Variants in POLD1 observed in about 807,000 individuals in gnomAD.
POLD1 encodes DNA polymerase delta catalytic subunit.
Under a neutral mutation model 129.7 loss-of-function variants are expected in POLD1, and 79 were observed. The observed-to-expected ratio is 0.61, with a 90% CI of 0.51 to 0.73. POLD1 has a LOEUF of 0.73. Among genes scored for constraint, POLD1 ranks in the 30% least tolerant of loss-of-function variants. The pLI is 0.00. For synonymous variants in POLD1, 714 were observed against 683.3 expected, an observed-to-expected ratio of 1.04 and a Z score of -0.70; for missense variants, 1,338 against 1,595.8, an observed-to-expected ratio of 0.84 and a Z score of 2.75.
chr19:50,395,589 A>G (rs1302531430), intron 1 of POLD1, among the ~76,000 whole-genome samples: 3 of 151,952 alleles, frequency 2.0e-5, no homozygotes, highest in Non-Finnish European at 4.4e-5. Context: ...GTCTCCAAAA[A>G]AAAAAAAAAA....
At chr19:50,417,356 G>T in intron 26 of POLD1, 87 bp downstream of exon 26, 5 of 840,094 alleles carry the variant, frequency 6.0e-6, no homozygotes, top group South Asian at 3.1e-5. Context: ...TGACTCCAAG[G>T]CCTCTCCTGA....
In POLD1 at chr19:50,409,180, G is replaced by T. The variant is rs1431495856; in HGVS notation, c.1951G>T (p.Val651Leu). Reference sequence around the variant, plus strand: ...CGGGGACGAGTTTGTGAAGACCTCAGTGCGGAAGGGGCTGCTGCCCCAGAT... The same window carrying T: ...CGGGGACGAGTTTGTGAAGACCTCATTGCGGAAGGGGCTGCTGCCCCAGAT... ...PTGDEFVKTSVRKGLLPQILE... is the reference protein window; with the variant it reads ...PTGDEFVKTSLRKGLLPQILE... The change falls in exon 16 of 27, where the codon GTG becomes TTG. Residue 651 changes from valine to leucine, a missense_variant. By Grantham distance (32) the Val-to-Leu change is conservative. This residue lies in a region of POLD1 where 720 missense variants were observed against 1,002.6 expected (regional missense o/e 0.72). Coordinates refer to ENST00000440232, the MANE Select transcript of POLD1 (RefSeq NM_002691.4). This position sits in a 1 kb window ranked among gnomAD's most constrained non-coding sequence, Gnocchi z 5.8. 1 of 1,613,882 alleles carries T rather than the reference G, an allele frequency of 6.2e-7. No individual in the cohort carries two copies. The highest frequency in any genetic ancestry group is 1.7e-5 in the Admixed American group (1 of 60,022).
At chr19:50,391,743 G>A (rs933312420) in intron 1 of POLD1, among the ~76,000 whole-genome samples, 4 of 151,324 alleles carry the variant, frequency 2.6e-5, no homozygotes, top group Admixed American at 6.6e-5. Context: ...CCACTCCCCC[G>A]CTCTTGTTGC....
chr19:50,416,702 C>G lies in POLD1; in HGVS notation c.3046C>G (p.Arg1016Gly). The change falls in exon 24 of 27, where the codon CGC becomes GGC. Residue 1016 changes from arginine to glycine, a missense_variant. Physicochemically the swap from Arg to Gly is moderately radical, Grantham distance 125. Around this residue, in one of 3 missense-constraint regions of POLD1, gnomAD observed 286 missense variants for 277.5 expected, o/e 1.03. Coordinates refer to ENST00000440232, the MANE Select transcript of POLD1 (RefSeq NM_002691.4). Reference sequence around the variant, plus strand: ...ACGCCGCAACTGCTGCATTGGCTGCCGCACAGTGCTCAGCCACCAGGGTGA... The same window carrying G: ...ACGCCGCAACTGCTGCATTGGCTGCGGCACAGTGCTCAGCCACCAGGGTGA... ...AKRRNCCIGC[R>G]TVLSHQGAVC... 6.5e-7 allele frequency: 1 copy of G among 1,542,068 alleles called. No individual in the cohort carries two copies. The highest frequency in any genetic ancestry group is 8.7e-7 in the Non-Finnish European group (1 of 1,148,438).
intron 1 of POLD1, among the ~76,000 whole-genome samples, chr19:50,388,866 T>C (rs2038057805): frequency 7.0e-6 from 1 of 142,444 alleles, no homozygotes; most frequent in Non-Finnish European, 1.5e-5. Flanking sequence ...GGAGTCTTGC[T>C]CTGTCACCCA....
At chr19:50,408,750 G>T in intron 14 of POLD1, 35 bp from the exon 15 acceptor site, 1 of 1,610,692 alleles carries the variant, frequency 6.2e-7, no homozygotes. Context: ...GGAACTCCTA[G>T]CCCTGACTCC....
In POLD1 at chr19:50,415,471, C is replaced by T. The variant is rs773567499; in HGVS notation, c.2598C>T (p.Asp866=). The T allele has an allele frequency of 6.0e-5, 97 of 1,612,996 alleles. No individual in the cohort carries two copies. Among genetic ancestry groups the T allele is most frequent in the Non-Finnish European group, 6.9e-5 (82 of 1,179,896 alleles). Reference sequence around the variant, plus strand: ...AGGGCGCGGTGGCTCACGCACAGGACGTCATCTCGGACCTGCTGTGCAACC... The same window carrying T: ...AGGGCGCGGTGGCTCACGCACAGGATGTCATCTCGGACCTGCTGTGCAACC... ...DPEGAVAHAQ[D]VISDLLCNRI... is the part of the protein sequence containing the mutation. Residue 866 remains aspartate, a synonymous_variant, in exon 21 of 27, where the codon GAC becomes GAT. Transcript: ENST00000440232.
Position 50,413,741 on chromosome 19 carries a change from G to C in POLD1, c.2251-1G>C, listed in dbSNP as rs1060501808. ...CATACACACATCCCCACCGCCCGCA[G>C]GTGGTGTATGGTGACACTGACTCCG... On this transcript the variant is annotated splice_acceptor_variant, in intron 18 of 26. Coordinates refer to ENST00000440232, the MANE Select transcript of POLD1 (RefSeq NM_002691.4). LOFTEE classifies it high-confidence loss of function. The C allele has an allele frequency of 6.9e-5, 111 of 1,599,480 alleles. No homozygotes were observed. The highest frequency in any genetic ancestry group is 9.3e-5 in the Non-Finnish European group (109 of 1,173,922).
At chr19:50,394,477 C>A (rs2038274657) in intron 1 of POLD1, among the ~76,000 whole-genome samples, 1 of 152,042 alleles carries the variant, frequency 6.6e-6, no homozygotes, top group South Asian at 2.1e-4. Context: ...CATGGTGAAA[C>A]CCCATCTCTA....
chr19:50,416,590 A>G lies in POLD1; in HGVS notation c.2954-20A>G, dbSNP rs2122494592. 6 of 1,549,684 alleles carry G rather than the reference A, an allele frequency of 3.9e-6. No homozygotes were observed. Among genetic ancestry groups the G allele is most frequent in the Non-Finnish European group, 4.3e-6 (5 of 1,150,146 alleles). On this transcript the variant is annotated intron_variant, in intron 23 of 26. Transcript: ENST00000440232. ...GGGCAGAGGAGATCACCGGCCCACC[A>G]CCTGCCTCCTCTCCTGCAGGGGGGG...
intron 1 of POLD1, among the ~76,000 whole-genome samples, chr19:50,385,280 G>A (rs1196062800): frequency 6.6e-6 from 1 of 152,168 alleles, no homozygotes; most frequent in Admixed American, 6.5e-5. Flanking sequence ...GGAGACAGGG[G>A]GACTGGCTGA....
At position 50,407,122 on chromosome 19, in the gene POLD1, A is replaced by G. The variant is rs2038922326; in HGVS notation, c.1634A>G (p.Tyr545Cys). The G allele has an allele frequency of 1.2e-6, 2 of 1,613,282 alleles. No homozygotes were observed. The highest frequency in any genetic ancestry group is 1.3e-5 in the African/African-American group (1 of 74,862). ...MARVTGVPLS[Y>C]LLSRGQQVKV... ...AGGGTCACTGGCGTGCCCCTCAGCT[A>G]CCTGCTCAGTCGTGGCCAGCAGGTC... The change falls in exon 13 of 27, where the codon TAC becomes TGC. Residue 545 changes from tyrosine to cysteine, a missense_variant. Transcript: ENST00000440232.
intron 1 of POLD1, among the ~76,000 whole-genome samples, chr19:50,391,514 G>A (rs1034054858): frequency 2.6e-5 from 4 of 152,164 alleles, no homozygotes; most frequent in Admixed American, 6.5e-5. Context: ...CGGCCAACAC[G>A]GCGAAACCCC....
At position 50,416,384 on chromosome 19, in the gene POLD1, A is replaced by G. The variant is rs1282676836; in HGVS notation, c.2821-12A>G. On this transcript the variant is annotated splice_polypyrimidine_tract_variant and intron_variant, in intron 22 of 26. Transcript: ENST00000440232. ...CCCTGGCTGCCCGGGTGTGACTGCC[A>G]TGTGGCCGCAGGACCCGCTGTTCGT... 2.6e-6 allele frequency: 4 copies of G among 1,548,126 alleles called. No homozygotes were observed. Among genetic ancestry groups the G allele is most frequent in the South Asian group, 1.2e-5 (1 of 83,972 alleles).
chr19:50,399,076 C>T, intron 2 of POLD1, 23 bp downstream of exon 2: 1 of 1,550,544 alleles, frequency 6.4e-7, no homozygotes, highest in Non-Finnish European at 8.7e-7. Context: ...GTTGGAGGTT[C>T]CTGCTGCCCA....
intron 17 of POLD1, among the ~76,000 whole-genome samples, chr19:50,411,981 A>G (rs1369710733): frequency 6.6e-6 from 1 of 152,168 alleles, no homozygotes; most frequent in Non-Finnish European, 1.5e-5. Context: ...TACAAAAAAT[A>G]CAACCAAACA....
chr19:50,409,493 T>G lies in POLD1; in HGVS notation c.2007-26T>G, dbSNP rs2039017173. On this transcript the variant is annotated intron_variant, in intron 16 of 26. Coordinates refer to ENST00000440232, the MANE Select transcript of POLD1 (RefSeq NM_002691.4). This position sits in a 1 kb window ranked among gnomAD's most constrained non-coding sequence, Gnocchi z 5.8. ...GACCAATGCCCAGGTGCCGCCTGAG[T>G]GTGCTTTCCCCGTGTTCCCTCGCAG... 6.2e-7 allele frequency: 1 copy of G among 1,613,412 alleles called. No homozygotes were observed.
intron 1 of POLD1, among the ~76,000 whole-genome samples, chr19:50,388,678 C>T (rs1435611550): frequency 2.6e-5 from 4 of 151,916 alleles, no homozygotes; most frequent in African/African-American, 9.7e-5. Flanking sequence ...TGCCTAGATT[C>T]ACTGGCTGTT....
At chr19:50,391,322 G>A (rs1021338439) in intron 1 of POLD1, among the ~76,000 whole-genome samples, 3 of 151,992 alleles carry the variant, frequency 2.0e-5, no homozygotes, top group African/African-American at 4.8e-5. Context: ...CTGCAATCTC[G>A]GCACTTTGGG....
Sources: allele counts gnomAD v4.1 joint callset (sites outside exome capture counted in the v4.1 genomes callset), GRCh38; gene constraint gnomAD v4.1.1; regional missense constraint gnomAD v4.1.1; non-coding constraint Gnocchi (gnomAD v3.1); transcripts MANE v1.5; gene names NCBI Gene and HGNC (gene_info 2026-07-23, HGNC 2026-07-21).